The following PHLDB3 variants were observed in gnomAD, a reference collection of about 807,000 sequenced individuals.
The protein encoded by PHLDB3 is pleckstrin homology-like domain family B member 3.
Under a neutral mutation model 85.7 loss-of-function variants are expected in PHLDB3, and 86 were observed. The ratio of observed to expected loss-of-function variants is 1.00; its 90% confidence interval spans 0.84 to 1.20. The LOEUF (loss-of-function observed/expected upper bound fraction) is 1.20, where lower values mean the gene tolerates loss of function less well. Among genes scored for constraint, PHLDB3 ranks in the 50% most tolerant of loss-of-function variants. PHLDB3 has a pLI of 0.00. For missense variants in PHLDB3, 995 were observed against 873.0 expected (o/e 1.14, Z -1.76); for synonymous variants, 376 against 349.8 (o/e 1.07, Z -0.83).
intron 12 of PHLDB3, 42 bp from the exon 13 acceptor site, chr19:43,486,364 A>G (rs1971156654): frequency 1.3e-6 from 2 of 1,561,172 alleles, no homozygotes; most frequent in Non-Finnish European, 1.7e-6. Flanking sequence ...ATCCCAGCCC[A>G]TAAGATGGTA....
At chr19:43,487,349 T>C (rs1473174115) in intron 9 of PHLDB3, among the ~76,000 whole-genome samples, 1 of 151,854 alleles carries the variant, frequency 6.6e-6, no homozygotes, top group Non-Finnish European at 1.5e-5. Flanking sequence ...CCAAGGCAGG[T>C]GGATCACCTG....
Position 43,495,483 on chromosome 19 carries a change from C to T in PHLDB3, c.951+12G>A. On this transcript the variant is annotated intron_variant, in intron 7 of 15. Transcript: ENST00000292140. ...GAGGACGGTAGGGTAGGGCAGGTGA[C>T]AGGTAGCTCACCTGTGACAGGGCCT... 1 of 1,605,468 alleles carries T rather than the reference C, an allele frequency of 6.2e-7. No homozygotes were observed.
intron 2 of PHLDB3, 73 bp from the exon 3 acceptor site, chr19:43,502,356 C>A (rs1218115658): frequency 7.1e-7 from 1 of 1,399,400 alleles, no homozygotes; most frequent in African/African-American, 1.4e-5. Context: ...CTGGTCCCCA[C>A]CCAACATCAC....
At position 43,475,389 on chromosome 19, in the gene PHLDB3, C is replaced by T. The variant is rs1207204618; in HGVS notation, c.*21G>A. ...GCCGGCGGAGCCTCGAAGGGACTTC[C>T]CCCCAAGAGGGCGGGGCCACTCAGG... On this transcript the variant is annotated 3_prime_UTR_variant, in exon 16 of 16. Coordinates refer to ENST00000292140, the MANE Select transcript of PHLDB3 (RefSeq NM_198850.4). The T allele has an allele frequency of 2.5e-6, 4 of 1,610,184 alleles. No homozygotes were observed. Among genetic ancestry groups the T allele is most frequent in the Middle Eastern group, 1.7e-4 (1 of 6,032 alleles).
intron 9 of PHLDB3, among the ~76,000 whole-genome samples, chr19:43,488,130 G>C (rs1971226660): frequency 6.6e-6 from 1 of 151,270 alleles, no homozygotes; most frequent in Non-Finnish European, 1.5e-5. Context: ...ATCCAGGCTG[G>C]ACGACAGAGC....
intron 13 of PHLDB3, among the ~76,000 whole-genome samples, chr19:43,484,768 C>A (rs1280067257): frequency 6.6e-6 from 1 of 152,092 alleles, no homozygotes; most frequent in Non-Finnish European, 1.5e-5. Flanking sequence ...TGAAAGGATA[C>A]AATATTTTGC....
At chr19:43,476,602 G>A (rs1484441758) in intron 15 of PHLDB3, among the ~76,000 whole-genome samples, 3 of 152,022 alleles carry the variant, frequency 2.0e-5, no homozygotes, top group Non-Finnish European at 4.4e-5. Flanking sequence ...GATAGAGGCT[G>A]CAGTGAGCTA....
intron 9 of PHLDB3, among the ~76,000 whole-genome samples, chr19:43,494,229 C>T (rs1270652890): frequency 3.3e-5 from 5 of 152,090 alleles, no homozygotes; most frequent in Non-Finnish European, 1.5e-5. Context: ...AGGCTGGTCT[C>T]GAACTCCTGA....
rs1971477717 is a variant in PHLDB3 at position 43,497,153 on chromosome 19, C to G, written c.790G>C (p.Val264Leu). The part of the protein sequence containing the change: ...SPGPQVPDPK[V>L]QELQASMAQH... ...GCCATGCTGGCCTGGAGTTCCTGGACCTTGGGGTCTGGCACCTGGGGCCCA... is the reference window on the plus strand; with the variant it reads ...GCCATGCTGGCCTGGAGTTCCTGGAGCTTGGGGTCTGGCACCTGGGGCCCA... Residue 264 changes from valine (V) to leucine (L), a missense_variant, in exon 6 of 16, where the codon GTC becomes CTC. By Grantham distance (32) the Val-to-Leu change is conservative (BLOSUM62 1). Transcript: ENST00000292140. The G allele has an allele frequency of 6.4e-7, 1 of 1,554,366 alleles. No homozygotes were observed. The highest frequency in any genetic ancestry group is 1.2e-5 in the South Asian group (1 of 84,256).
intron 9 of PHLDB3, among the ~76,000 whole-genome samples, chr19:43,491,955 T>TG (rs935097951): frequency 7.1e-5 from 10 of 140,674 alleles, no homozygotes; most frequent in Non-Finnish European, 1.2e-4. Context: ...GTTTTTTTTT[T>TG]TTTGTTTTTT....
In PHLDB3 at chr19:43,486,715, G is replaced by A. The variant is rs748029326; in HGVS notation, c.1341-19C>T. The A allele has an allele frequency of 6.2e-7, 1 of 1,613,786 alleles. No individual in the cohort carries two copies. The highest frequency in any genetic ancestry group is 1.1e-5 in the South Asian group (1 of 91,060). ...CCCACAGCTAGGAGGAGGGAACACA[G>A]ACGGGGTGGGTTACAGTGGCTGGGC... On this transcript the variant is annotated intron_variant, in intron 11 of 15. Coordinates refer to ENST00000292140, the MANE Select transcript of PHLDB3 (RefSeq NM_198850.4).
rs558828701 is a variant in PHLDB3, at chr19:43,475,308, G to C, written c.*102C>G. 5.5e-6 allele frequency: 8 copies of C among 1,453,756 alleles called. No individual in the cohort carries two copies. The highest frequency in any genetic ancestry group is 1.4e-5 in the African/African-American group (1 of 70,548). 90.1% of individuals were successfully genotyped at this position (1,453,756 alleles called of 1,614,324 possible). ...GGAATTCCCGGGAGAGTTCCAAAGC[G>C]GTGCGTCCAAGTTTTCCGGCAGTGG... On this transcript the variant is annotated 3_prime_UTR_variant, in exon 16 of 16. Transcript: ENST00000292140.
intron 10 of PHLDB3, 43 bp downstream of exon 10, chr19:43,486,981 A>C (rs1230166910): frequency 2.7e-6 from 4 of 1,491,710 alleles, no homozygotes; most frequent in Non-Finnish European, 3.6e-6. Flanking sequence ...CTGCAGGATG[A>C]GTGCTGATGT....
At chr19:43,477,571 C>T (rs1260576321) in intron 15 of PHLDB3, among the ~76,000 whole-genome samples, 1 of 149,412 alleles carries the variant, frequency 6.7e-6, no homozygotes, top group African/African-American at 2.5e-5. Flanking sequence ...AATCCCAGAA[C>T]TTTGAGAGGC....
At chr19:43,490,085 G>A (rs1297625155) in intron 9 of PHLDB3, among the ~76,000 whole-genome samples, 1 of 151,096 alleles carries the variant, frequency 6.6e-6, no homozygotes, top group East Asian at 1.9e-4. Context: ...AAGGGAGGGA[G>A]GGAGGGAAAA....
intron 4 of PHLDB3, among the ~76,000 whole-genome samples, chr19:43,499,661 A>T (rs1971542817): frequency 6.6e-6 from 1 of 152,120 alleles, no homozygotes; most frequent in African/African-American, 2.4e-5. Context: ...CAAAATCACA[A>T]GTCACCATTT....
Position 43,475,302 on chromosome 19 carries a change from CA to C in PHLDB3, c.*107del. 1 of 1,439,532 alleles carries C rather than the reference CA, an allele frequency of 6.9e-7. No individual in the cohort carries two copies. The highest frequency in any genetic ancestry group is 2.3e-5 in the Admixed American group (1 of 44,150). The allele number at this position is 1,439,532 out of a possible 1,614,324, so 89.2% of individuals were successfully genotyped here. Reference sequence around the variant, plus strand: ...GCCTGCGGAATTCCCGGGAGAGTTCCAAAGCGGTGCGTCCAAGTTTTCCGGC... The same window carrying C: ...GCCTGCGGAATTCCCGGGAGAGTTCCAAGCGGTGCGTCCAAGTTTTCCGGC... On this transcript the variant is annotated 3_prime_UTR_variant, in exon 16 of 16. Coordinates refer to ENST00000292140, the MANE Select transcript of PHLDB3 (RefSeq NM_198850.4).
At position 43,494,776 on chromosome 19, in the gene PHLDB3, G is replaced by A; in HGVS notation, c.1075C>T (p.Leu359Phe). 1 of 1,613,360 alleles carries A rather than the reference G, an allele frequency of 6.2e-7. No homozygotes were observed. The change falls in exon 9 of 16, where the codon CTC becomes TTC. Residue 359 changes from leucine (L) to phenylalanine (F), a missense_variant. By Grantham distance (22) the Leu-to-Phe change is conservative. Coordinates refer to ENST00000292140, the MANE Select transcript of PHLDB3 (RefSeq NM_198850.4). ...GCGGAGTGGGCCACGGCATCCTGGA[G>A]CACCAGCAGCTGGCGGTCTGTCTTC... ...TQKTDRQLLV[L>F]QDAVAHSAAT...
chr19:43,477,480 G>A lies in PHLDB3; in HGVS notation c.1788+567C>T, dbSNP rs913284966. On this transcript the variant is annotated intron_variant, in intron 15 of 15. Coordinates refer to ENST00000292140, the MANE Select transcript of PHLDB3 (RefSeq NM_198850.4). ...TGCAGTGAGCCAAGATGGCGCCACC[G>A]CACTCCAGCCTGGGCAACAGAGCCA... Among the ~76,000 whole-genome samples, 19 of 148,080 alleles carry A rather than the reference G, an allele frequency of 1.3e-4. 1 individual carries two copies. The highest frequency in any genetic ancestry group is 4.1e-4 in the African/African-American group (16 of 39,360).
Sources: gnomAD v4.1 joint callset for allele counts (sites outside exome capture counted in the v4.1 genomes callset) on GRCh38, gnomAD v4.1.1 for gene constraint, MANE v1.5 for transcripts, NCBI Gene and HGNC (gene_info 2026-07-23, HGNC 2026-07-21) for gene names.